Variants in TENM3 observed in about 807,000 individuals in gnomAD.
TENM3 encodes teneurin-3.
A neutral mutation model predicts 255.1 loss-of-function variants in TENM3; 63 were observed. The ratio of observed to expected loss-of-function variants is 0.25; its 90% CI spans 0.20 to 0.30. The LOEUF (loss-of-function observed/expected upper bound fraction) is 0.30. Among genes scored for constraint, TENM3 ranks in the 10% least tolerant of loss-of-function variants. The pLI is 1.00. For missense variants in TENM3, 2,929 were observed against 3,461.1 expected, an observed-to-expected ratio of 0.85 and a Z score of 3.86; for synonymous variants, 1,306 against 1,322.3, an observed-to-expected ratio of 0.99 and a Z score of 0.27.
At position 182,250,117 on chromosome 4, in the gene TENM3, A is replaced by G. The variant is rs186106554; in HGVS notation, c.-76+6641A>G. Among the ~76,000 whole-genome samples, 93 of 138,142 alleles carry G rather than the reference A, an allele frequency of 6.7e-4. 1 individual carries two copies. The highest frequency in any genetic ancestry group is 1.4e-3 in the Admixed American group (18 of 12,700). The allele number at this position is 138,142 out of a possible 152,430, so 90.6% of individuals were successfully genotyped here. On this transcript the variant is annotated intron_variant, in intron 1 of 27. Transcript: ENST00000511685. Reference sequence around the variant, plus strand: ...GCCCAGACTGGAGTGCAGTGGTGCGATCTGGGCTCACTGCAAGCTCTGCCT... The same window carrying G: ...GCCCAGACTGGAGTGCAGTGGTGCGGTCTGGGCTCACTGCAAGCTCTGCCT...
intron 1 of TENM3, among the ~76,000 whole-genome samples, chr4:182,189,487 G>T (rs997822615): frequency 6.6e-6 from 1 of 152,148 alleles, no homozygotes; most frequent in African/African-American, 2.4e-5. Context: ...TAGGGGGAAA[G>T]ATCCACTGGG....
chr4:181,599,079 A>T, the TENM3 span, among the ~76,000 whole-genome samples: 4 of 152,208 alleles, frequency 2.6e-5, no homozygotes. Flanking sequence ...GTTAGGTGAA[A>T]GGTTGTGTAA....
At chr4:182,025,173 C>T in the TENM3 span, among the ~76,000 whole-genome samples, 9 of 151,948 alleles carry the variant, frequency 5.9e-5, no homozygotes, top group East Asian at 1.9e-4. Context: ...GGACTACAGG[C>T]GCCCACCACC....
At chr4:182,140,995 C>G (rs1238599311), upstream of TENM3, among the ~76,000 whole-genome samples, 3 of 150,178 alleles carry the variant, frequency 2.0e-5, no homozygotes, top group East Asian at 2.0e-4. Context: ...ATCCCTCCCC[C>G]CCGCCCCCCA....
chr4:181,683,470 G>A, the TENM3 span, among the ~76,000 whole-genome samples: 1 of 152,084 alleles, frequency 6.6e-6, no homozygotes, highest in African/African-American at 2.4e-5. Flanking sequence ...CAAAGATTGC[G>A]GGGCTCACTC....
chr4:181,955,538 T>C, the TENM3 span, among the ~76,000 whole-genome samples: 1 of 152,012 alleles, frequency 6.6e-6, no homozygotes, highest in Non-Finnish European at 1.5e-5. Context: ...TTACTAGAGG[T>C]GCAGCAAATC....
At chr4:181,604,211 G>A in the TENM3 span, among the ~76,000 whole-genome samples, 4 of 152,146 alleles carry the variant, frequency 2.6e-5, no homozygotes, top group Non-Finnish European at 4.4e-5. Flanking sequence ...CTTGCAGTGA[G>A]CCGAGATCGC....
intron 4 of TENM3, among the ~76,000 whole-genome samples, chr4:182,616,514 A>G (rs143697289): frequency 0.25 from 26,351 of 104,954 alleles, 3,242 homozygotes; most frequent in South Asian, 0.32. Flanking sequence ...CTAAAACTTA[A>G]AGTATAATAA....
chr4:181,903,545 A>T, the TENM3 span, among the ~76,000 whole-genome samples: 2 of 152,174 alleles, frequency 1.3e-5, no homozygotes, highest in Non-Finnish European at 2.9e-5. Context: ...CCAACGGAAC[A>T]CATCATCCCT....
chr4:182,172,329 T>A (rs1038218451), intron 1 of TENM3, among the ~76,000 whole-genome samples: 1 of 152,164 alleles, frequency 6.6e-6, no homozygotes, highest in Non-Finnish European at 1.5e-5. Context: ...CAAAGTGAGA[T>A]AAGACACGTC....
chr4:182,315,585 C>T (rs1472952178), intron 1 of TENM3, among the ~76,000 whole-genome samples: 2 of 152,010 alleles, frequency 1.3e-5, no homozygotes, highest in African/African-American at 4.8e-5. Flanking sequence ...GTTCACATTT[C>T]TTGTGTTTGG....
chr4:181,988,612 T>C, the TENM3 span, among the ~76,000 whole-genome samples: 1 of 152,240 alleles, frequency 6.6e-6, no homozygotes, highest in South Asian at 2.1e-4. Flanking sequence ...GTATTTTACT[T>C]GAAATTATTC....
At chr4:182,083,565 G>T in the TENM3 span, among the ~76,000 whole-genome samples, 19 of 152,172 alleles carry the variant, frequency 1.2e-4, no homozygotes, top group African/African-American at 3.9e-4. Flanking sequence ...GACGTTAAAG[G>T]CATTGTTAAC....
At chr4:181,742,319 C>T in the TENM3 span, among the ~76,000 whole-genome samples, 1 of 152,086 alleles carries the variant, frequency 6.6e-6, no homozygotes, top group East Asian at 1.9e-4. Context: ...AATTCTCTCT[C>T]GTCTAAAATA....
At chr4:181,794,869 T>G in the TENM3 span, among the ~76,000 whole-genome samples, 1 of 152,280 alleles carries the variant, frequency 6.6e-6, no homozygotes. Context: ...GGTCTCAGGT[T>G]ACTTCAGAGC....
chr4:181,505,466 T>C, the TENM3 span, among the ~76,000 whole-genome samples: 1 of 152,218 alleles, frequency 6.6e-6, no homozygotes, highest in Non-Finnish European at 1.5e-5. Flanking sequence ...ATTTTCTTTT[T>C]TCCTATTTTC....
chr4:182,590,763 C>T (rs1746552064), intron 3 of TENM3, among the ~76,000 whole-genome samples: 1 of 151,342 alleles, frequency 6.6e-6, no homozygotes, highest in Admixed American at 6.6e-5. Context: ...GCAGGAGAAT[C>T]ACTTGAACCT....
chr4:182,475,715 G>A lies in TENM3; in HGVS notation c.512-125209G>A, dbSNP rs146071259. Among the ~76,000 whole-genome samples, 503 of 152,188 alleles carry A rather than the reference G, an allele frequency of 3.3e-3. 9 individuals carry two copies. The highest frequency in any genetic ancestry group is 0.026 in the Admixed American group (392 of 15,290). On this transcript the variant is annotated intron_variant, in intron 3 of 27. Coordinates refer to ENST00000511685, the MANE Select transcript of TENM3 (RefSeq NM_001080477.4). ...GACAAGTAGTAGCAAGCTCACACTCGGGATTTAATCTTCACTGACTAATTC... is the reference window on the plus strand; with the variant it reads ...GACAAGTAGTAGCAAGCTCACACTCAGGATTTAATCTTCACTGACTAATTC...
At chr4:182,449,767 A>C (rs1773295239) in intron 3 of TENM3, among the ~76,000 whole-genome samples, 1 of 152,244 alleles carries the variant, frequency 6.6e-6, no homozygotes, top group African/African-American at 2.4e-5. Flanking sequence ...CAGGTTTAAT[A>C]GAGCAGTCTC....
Sources: allele counts gnomAD v4.1 joint callset (sites outside exome capture counted in the v4.1 genomes callset), GRCh38; gene constraint gnomAD v4.1.1; transcripts MANE v1.5; gene names NCBI Gene and HGNC (gene_info 2026-07-23, HGNC 2026-07-21).